Variants in ELAVL4 observed in about 807,000 individuals in gnomAD.
ELAVL4 encodes ELAV like RNA binding protein 4.
Under a neutral mutation model 35.6 loss-of-function variants are expected in ELAVL4, and 1 was observed. The observed-to-expected ratio is 0.03, with a 90% confidence interval of 0.01 to 0.13. The LOEUF (loss-of-function observed/expected upper bound fraction) is 0.13, where lower values mean the gene tolerates loss of function less well. Among genes scored for constraint, ELAVL4 ranks in the 10% least tolerant of loss-of-function variants. The pLI is 1.00. For synonymous variants in ELAVL4, 156 were observed against 171.0 expected, an observed-to-expected ratio of 0.91 and a Z score of 0.69; for missense variants, 267 against 464.9, an observed-to-expected ratio of 0.57 and a Z score of 3.91.
intron 1 of ELAVL4, 131 bp from the exon 2 acceptor site, chr1:50,144,826 A>G: frequency 1.4e-6 from 2 of 1,415,274 alleles, no homozygotes; most frequent in Non-Finnish European, 2.0e-6. Context: ...GGCTGTGTTC[A>G]CAACCCAGTC....
At position 50,145,150 on chromosome 1, in the gene ELAVL4, G is replaced by A; in HGVS notation, c.203G>A (p.Ser68Asn). 2 of 1,614,034 alleles carry A rather than the reference G, an allele frequency of 1.2e-6. No individual in the cohort carries two copies. The highest frequency in any genetic ancestry group is 1.7e-6 in the Non-Finnish European group (2 of 1,179,934). Residue 68 changes from serine to asparagine, a missense_variant, in exon 2 of 7, where the codon AGC (serine) becomes AAC (asparagine). Ser to Asn is a conservative substitution (Grantham distance 46). Coordinates refer to ENST00000371824, the MANE Select transcript of ELAVL4 (RefSeq NM_001144774.3). ...GAAGAATTCAGGAGTCTCTTCGGGA[G>A]CATTGGTGAAATAGAATCCTGCAAA... ...TQEEFRSLFG[S>N]IGEIESCKLV... is the part of the protein sequence containing the mutation.
intron 1 of ELAVL4, among the ~76,000 whole-genome samples, chr1:50,083,331 T>A (rs573005264): frequency 6.6e-6 from 1 of 152,210 alleles, no homozygotes; most frequent in Admixed American, 6.5e-5. Context: ...CTCCCCCAAC[T>A]GCCATTTCTT....
At chr1:50,106,436 A>C (rs771281636), upstream of ELAVL4, 14 of 1,526,802 alleles carry the variant, frequency 9.2e-6, no homozygotes, top group South Asian at 5.7e-5. Flanking sequence ...CAGTGCTGGG[A>C]TATCATTTTT....
At chr1:50,139,227 C>G (rs1672411924) in intron 1 of ELAVL4, among the ~76,000 whole-genome samples, 1 of 152,152 alleles carries the variant, frequency 6.6e-6, no homozygotes, top group Non-Finnish European at 1.5e-5. Flanking sequence ...ATTCTACAGT[C>G]CTTTATCTGG....
intron 3 of ELAVL4, among the ~76,000 whole-genome samples, chr1:50,185,054 G>C (rs970274872): frequency 6.6e-6 from 1 of 152,176 alleles, no homozygotes; most frequent in Admixed American, 6.5e-5. Context: ...ACCTATATTA[G>C]ACAGCACAGA....
intron 1 of ELAVL4, among the ~76,000 whole-genome samples, chr1:50,083,968 G>T (rs1267326583): frequency 1.3e-5 from 2 of 152,128 alleles, no homozygotes; most frequent in East Asian, 1.9e-4. Context: ...CATAAATGTT[G>T]CATTCCCCTC....
intron 1 of ELAVL4, among the ~76,000 whole-genome samples, chr1:50,081,894 T>A (rs1040695408): frequency 2.0e-5 from 3 of 152,178 alleles, no homozygotes; most frequent in African/African-American, 7.2e-5. Context: ...GTGTTCTCAT[T>A]GTTCAACTCC....
At chr1:50,156,637 C>T (rs1334689913) in intron 2 of ELAVL4, among the ~76,000 whole-genome samples, 1 of 152,156 alleles carries the variant, frequency 6.6e-6, no homozygotes, top group Non-Finnish European at 1.5e-5. Flanking sequence ...CTCATTTAAT[C>T]CTGACCACAT....
intron 1 of ELAVL4, among the ~76,000 whole-genome samples, chr1:50,113,058 A>G (rs1028066325): frequency 2.6e-5 from 4 of 152,098 alleles, no homozygotes; most frequent in Admixed American, 6.6e-5. Context: ...TAGGATTTCT[A>G]TTAGGTATAA....
At chr1:50,142,904 C>T (rs902585205) in intron 1 of ELAVL4, among the ~76,000 whole-genome samples, 4 of 152,092 alleles carry the variant, frequency 2.6e-5, no homozygotes, top group African/African-American at 4.8e-5. Flanking sequence ...AATATTTCCA[C>T]ACAATGGAAA....
At chr1:50,183,150 G>A (rs576218826) in intron 3 of ELAVL4, among the ~76,000 whole-genome samples, 67 of 152,216 alleles carry the variant, frequency 4.4e-4, no homozygotes, top group African/African-American at 1.5e-3. Flanking sequence ...GAGCCACTGC[G>A]CCCGGCCGAT....
intron 1 of ELAVL4, among the ~76,000 whole-genome samples, chr1:50,087,499 A>G (rs1665299469): frequency 1.3e-5 from 2 of 152,200 alleles, no homozygotes; most frequent in African/African-American, 4.8e-5. Flanking sequence ...AGATAAATAT[A>G]TTTTAATTTT....
At chr1:50,136,203 A>G in intron 1 of ELAVL4, among the ~76,000 whole-genome samples, 1 of 152,096 alleles carries the variant, frequency 6.6e-6, no homozygotes, top group East Asian at 1.9e-4. Flanking sequence ...AGAAGTGAGG[A>G]ATTTTACAAA....
intron 1 of ELAVL4, among the ~76,000 whole-genome samples, chr1:50,121,861 T>G (rs1167451297): frequency 6.6e-6 from 1 of 152,094 alleles, no homozygotes; most frequent in Non-Finnish European, 1.5e-5. Context: ...ACCTTATGCC[T>G]TGGTTGTGCT....
chr1:50,102,510 A>G (rs1666041393), upstream of ELAVL4, among the ~76,000 whole-genome samples: 1 of 148,778 alleles, frequency 6.7e-6, no homozygotes, highest in African/African-American at 2.5e-5. Flanking sequence ...TTTGCCTTTT[A>G]CATCTATTCC....
chr1:50,099,560 C>CAAAAAAAAAAAAAAAAAAA (rs750905424), upstream of ELAVL4, among the ~76,000 whole-genome samples: 2 of 56,276 alleles, frequency 3.6e-5, no homozygotes, highest in African/African-American at 5.7e-5. Flanking sequence ...AACTCCGCCT[C>CAAAAAAAAAAAAAAAAAAA]AAAAAAAAAA....
intron 2 of ELAVL4, among the ~76,000 whole-genome samples, chr1:50,167,406 G>T (rs35383864): frequency 0.027 from 4,076 of 152,306 alleles, 71 homozygotes; most frequent in Non-Finnish European, 0.043. Context: ...CTCGGCAGAA[G>T]CATTGTGTGC....
At position 50,203,169 on chromosome 1, in the gene ELAVL4, AG is replaced by A. The variant is rs1644451563; in HGVS notation, c.*1992del. ...TGTTATATAAAATCTTTTCAATACAAGTTTAGTCTTAATGGTAATAAAACGT... is the reference window on the plus strand; with the variant it reads ...TGTTATATAAAATCTTTTCAATACAATTTAGTCTTAATGGTAATAAAACGT... On this transcript the variant is annotated 3_prime_UTR_variant, in exon 7 of 7. Coordinates refer to ENST00000371824, the MANE Select transcript of ELAVL4 (RefSeq NM_001144774.3). 1 of 152,164 alleles carries A rather than the reference AG, an allele frequency of 6.6e-6. No individual in the cohort carries two copies. Among genetic ancestry groups the A allele is most frequent in the South Asian group, 2.1e-4 (1 of 4,832 alleles). 9.4% of individuals were successfully genotyped at this position (152,164 alleles called of 1,614,324 possible).
chr1:50,179,454 T>C (rs1455809004), intron 3 of ELAVL4: 1 of 152,192 alleles, frequency 6.6e-6, no homozygotes, highest in Non-Finnish European at 1.5e-5. Context: ...AAAATCATAT[T>C]AAAGGAAAGA....
Sources: allele counts gnomAD v4.1 joint callset (sites outside exome capture counted in the v4.1 genomes callset), GRCh38; gene constraint gnomAD v4.1.1; transcripts MANE v1.5; gene names NCBI Gene and HGNC (gene_info 2026-07-23, HGNC 2026-07-21).